ATM: variants seen among roughly 807,000 people sequenced by gnomAD.
ATM encodes serine-protein kinase ATM.
ATM carries 308 observed loss-of-function variants against 387.0 expected under a neutral mutation model. That is an observed-to-expected ratio of 0.80 (90% CI 0.73 to 0.87). The LOEUF is 0.87. ATM is among the 40% of genes least tolerant of loss of function. The probability of loss-of-function intolerance (pLI) is 0.00; values close to 1 mark genes in which losing one functional copy is unlikely to be tolerated. For synonymous variants in ATM, 1,156 were observed against 1,187.3 expected (o/e 0.97, Z 0.54); for missense variants, 3,312 against 3,560.9 (o/e 0.93, Z 1.78).
At chr11:108,273,557 G>T (rs907429412) in intron 22 of ATM, among the ~76,000 whole-genome samples, 2 of 151,940 alleles carry the variant, frequency 1.3e-5, no homozygotes, top group South Asian at 2.1e-4. Context: ...GGCCAGGCTG[G>T]TCTTGAACTC....
rs770565353 is a variant in ATM at position 108,268,552 on chromosome 11, G to T, written c.2781G>T (p.Leu927Phe). The T allele has an allele frequency of 2.5e-6, 4 of 1,614,080 alleles. No homozygotes were observed. The highest frequency in any genetic ancestry group is 4.5e-5 in the East Asian group (2 of 44,848). ...GGGCAGCTGATATTCGGAGGAAATT[G>T]TTAATGTTAATTGATTCTAGCACGC... ...SFRAADIRRK[L>F]LMLIDSSTLE... The change falls in exon 18 of 63, where the codon TTG becomes TTT. Residue 927 changes from leucine (L) to phenylalanine (F), a missense_variant. Around this residue, in one of 4 missense-constraint regions of ATM, gnomAD observed 1,791 missense variants for 1,804.5 expected, o/e 0.99. Coordinates refer to ENST00000675843, the MANE Select transcript of ATM (RefSeq NM_000051.4).
intron 40 of ATM, 102 bp from the exon 41 acceptor site, chr11:108,315,721 G>C (rs2084569620): frequency 1.3e-6 from 1 of 792,830 alleles, no homozygotes; most frequent in Non-Finnish European, 2.2e-6. Flanking sequence ...ATAACATTTA[G>C]AGTTGGGAGT....
chr11:108,300,878 C>CTTTTTTTTTT (rs11305754), intron 34 of ATM, among the ~76,000 whole-genome samples: 1 of 102,676 alleles, frequency 9.7e-6, no homozygotes. Flanking sequence ...TCATCTCTCT[C>CTTTTTTTTTT]TTTTTTTTTT....
chr11:108,331,896 A>T lies in ATM; in HGVS notation c.7647A>T (p.Ser2549=), dbSNP rs1591171175. ...TCTTACAGCTAATCTCTAGAATTTC[A>T]ATGGATCACCCCCATCACACTTTGT... ...EVLNNLISRI[S]MDHPHHTLFI... is the part of the protein sequence containing the mutation. Residue 2549 remains serine, a synonymous_variant, in exon 52 of 63, where the codon TCA becomes TCT. Transcript: ENST00000675843. 6.2e-7 allele frequency: 1 copy of T among 1,613,830 alleles called. No individual in the cohort carries two copies.
At position 108,297,265 on chromosome 11, in the gene ATM, A is replaced by T. The variant is rs1209359373; in HGVS notation, c.4910-22A>T. The T allele has an allele frequency of 2.5e-6, 4 of 1,601,764 alleles. No homozygotes were observed. In the African/African-American group the frequency reaches 5.4e-5, roughly 21 times the overall value. On this transcript the variant is annotated intron_variant, in intron 32 of 62. Transcript: ENST00000675843. ...GTTGTCTTCATGCTAGTTTAAACTAATTTTTAAAAAATTATTTCTAGATAA... is the reference window on the plus strand; with the variant it reads ...GTTGTCTTCATGCTAGTTTAAACTATTTTTTAAAAAATTATTTCTAGATAA...
chr11:108,322,473 G>T (rs76701013), intron 45 of ATM, among the ~76,000 whole-genome samples: 16 of 152,126 alleles, frequency 1.1e-4, no homozygotes, highest in African/African-American at 3.9e-4. Flanking sequence ...TTCTCTTCTG[G>T]TGACTGATAA....
In ATM at chr11:108,336,783, C is replaced by G. The variant is rs578218477; in HGVS notation, c.8268+822C>G. On this transcript the variant is annotated intron_variant, in intron 56 of 62. Coordinates refer to ENST00000675843, the MANE Select transcript of ATM (RefSeq NM_000051.4). Reference sequence around the variant, plus strand: ...GTGTACCCACTTACATTTCCTCTAGCTATTTGCCTGAGAAGACAATCCTCA... The same window carrying G: ...GTGTACCCACTTACATTTCCTCTAGGTATTTGCCTGAGAAGACAATCCTCA... Among the ~76,000 whole-genome samples the G allele has an allele frequency of 3.3e-5, 5 of 152,304 alleles. No homozygotes were observed. In the South Asian group the frequency reaches 1.0e-3, roughly 32 times the overall value.
At chr11:108,225,621 A>T (rs1233616109) in intron 1 of ATM, 1 of 152,142 alleles carries the variant, frequency 6.6e-6, no homozygotes, top group Non-Finnish European at 1.5e-5. Flanking sequence ...TTGCAGGCAC[A>T]TGCTACCACA....
chr11:108,267,072 A>G (rs928675003), intron 16 of ATM, 99 bp from the exon 17 acceptor site: 14 of 1,228,756 alleles, frequency 1.1e-5, no homozygotes, highest in Non-Finnish European at 1.5e-5. Flanking sequence ...CTGAGATTAC[A>G]GATGTGAGCC....
intron 4 of ATM, 54 bp downstream of exon 4, chr11:108,229,377 AGTTTTTTTTTTTTTTCAGAT>A: frequency 9.2e-7 from 1 of 1,092,326 alleles, no homozygotes; most frequent in Non-Finnish European, 1.3e-6. Context: ...CTGTCGCGTG[AGTTTTTTTTTTTTTTCAGAT>A]CATTTTAAGG....
At position 108,345,695 on chromosome 11, in the gene ATM, A is replaced by G. The variant is rs1173090763; in HGVS notation, c.8419-48A>G. On this transcript the variant is annotated intron_variant, in intron 57 of 62. Transcript: ENST00000675843. ...TATATAAAAATGTGTATATTAGTTT[A>G]ATTGAACACAATATTGAAAAATAAT... The G allele has an allele frequency of 6.5e-6, 9 of 1,392,248 alleles. No individual in the cohort carries two copies. In the East Asian group the frequency reaches 2.3e-4, roughly 35 times the overall value. The allele number at this position is 1,392,248 out of a possible 1,614,324, so 86.2% of individuals were successfully genotyped here. A position where few individuals can be genotyped will look rare whatever the true frequency, so the allele number is the denominator to read the frequency against.
chr11:108,349,975 A>G (rs989645771), intron 59 of ATM, among the ~76,000 whole-genome samples: 21 of 152,186 alleles, frequency 1.4e-4, no homozygotes, highest in African/African-American at 1.4e-4. Context: ...TGAGGGAATT[A>G]TATTTGCTAT....
intron 4 of ATM, among the ~76,000 whole-genome samples, chr11:108,232,003 G>C (rs2079038037): frequency 6.6e-6 from 1 of 152,192 alleles, no homozygotes; most frequent in Non-Finnish European, 1.5e-5. Context: ...CTGGGATATA[G>C]TAGGTACTTA....
At chr11:108,324,387 A>G (rs2085455006) in intron 45 of ATM, among the ~76,000 whole-genome samples, 1 of 152,116 alleles carries the variant, frequency 6.6e-6, no homozygotes. Context: ...TAGTAGATTT[A>G]TTATTTTTGA....
intron 5 of ATM, among the ~76,000 whole-genome samples, chr11:108,236,985 T>C (rs2079311909): frequency 6.6e-6 from 1 of 152,296 alleles, no homozygotes; most frequent in South Asian, 2.1e-4. Context: ...CTTTTTTTTT[T>C]CATGGAAAGT....
At chr11:108,266,308 A>G (rs1464246387) in intron 16 of ATM, among the ~76,000 whole-genome samples, 2 of 152,072 alleles carry the variant, frequency 1.3e-5, no homozygotes, top group African/African-American at 2.4e-5. Context: ...GCAGCCATAA[A>G]AAATGATGAG....
In ATM at chr11:108,343,330, C is replaced by T. The variant is rs1174335574; in HGVS notation, c.8377C>T (p.Pro2793Ser). The change falls in exon 57 of 63, where the codon CCA becomes TCA. Residue 2793 changes from proline to serine, a missense_variant. Coordinates refer to ENST00000675843, the MANE Select transcript of ATM (RefSeq NM_000051.4). ...NEDGAHKRYR[P>S]NDFSAFQCQK... ...AGATGGTGCTCATAAAAGATACAGG[C>T]CAAATGATTTCAGTGCCTTTCAGTG... is the stretch of plus-strand genomic sequence containing the variant. The T allele has an allele frequency of 1.9e-6, 3 of 1,613,872 alleles. No homozygotes were observed. Among genetic ancestry groups the T allele is most frequent in the Non-Finnish European group, 8.5e-7 (1 of 1,179,908 alleles).
rs2135339095 is a variant in ATM, at chr11:108,251,852, T to C, written c.1623T>C (p.Cys541=). 6.2e-7 allele frequency: 1 copy of C among 1,613,814 alleles called. No homozygotes were observed. The highest frequency in any genetic ancestry group is 8.5e-7 in the Non-Finnish European group (1 of 1,179,794). The change falls in exon 11 of 63, where the codon TGT becomes TGC. Residue 541 remains cysteine (C), a synonymous_variant. Coordinates refer to ENST00000675843, the MANE Select transcript of ATM (RefSeq NM_000051.4). The stretch of plus-strand genomic sequence containing the variant: ...TTTGTTATAGTCCTGCAGTATGCTG[T>C]TTGACTTTGGCACTGACCACCAGTA... ...ACRPSCPAVC[C]LTLALTTSIV... is the part of the protein sequence containing the mutation.
At chr11:108,300,073 AT>A (rs1453024081) in intron 34 of ATM, among the ~76,000 whole-genome samples, 188 bp downstream of exon 34, 1 of 152,242 alleles carries the variant, frequency 6.6e-6, no homozygotes, top group African/African-American at 2.4e-5. Flanking sequence ...GACACTTGAT[AT>A]AATGGTGAAC....
Sources: gnomAD v4.1 joint callset for allele counts (sites outside exome capture counted in the v4.1 genomes callset) on GRCh38, gnomAD v4.1.1 for gene constraint, gnomAD v4.1.1 regional missense constraint, MANE v1.5 for transcripts, NCBI Gene and HGNC (gene_info 2026-07-23, HGNC 2026-07-21) for gene names.